The following POU2F1 variants were observed in gnomAD, a reference collection of about 807,000 sequenced individuals.
The protein encoded by POU2F1 is POU class 2 homeobox 1.
POU2F1 carries 16 observed loss-of-function variants against 84.9 expected under a neutral mutation model. The ratio of observed to expected loss-of-function variants is 0.19; its 90% CI spans 0.13 to 0.29. The LOEUF (loss-of-function observed/expected upper bound fraction) is 0.29, where lower values mean the gene tolerates loss of function less well. Ranked by LOEUF, POU2F1 falls within the 10% of genes least tolerant of loss-of-function variation. The pLI is 1.00. For synonymous variants in POU2F1, 368 were observed against 368.3 expected (o/e 1.00, Z 0.01); for missense variants, 738 against 942.6 (o/e 0.78, Z 2.84).
intron 3 of POU2F1, among the ~76,000 whole-genome samples, 178 bp downstream of exon 3, chr1:167,365,745 T>C (rs1271474989): frequency 2.6e-5 from 4 of 152,250 alleles, no homozygotes; most frequent in Non-Finnish European, 4.4e-5. Flanking sequence ...GTTGAGTGTA[T>C]AGTCATTGAC....
rs146915296 is a variant in POU2F1, at chr1:167,340,167, C to T, written c.127+7632C>T. Among the ~76,000 whole-genome samples, 479 of 152,080 alleles carry T rather than the reference C, an allele frequency of 3.1e-3. 3 individuals carry two copies. The highest frequency in any genetic ancestry group is 0.01 in the African/African-American group (435 of 41,468). On this transcript the variant is annotated intron_variant, in intron 2 of 15. Coordinates refer to ENST00000367866, the MANE Select transcript of POU2F1 (RefSeq NM_002697.4). ...CGATCCTGGCTCACTGCAACCTCCA[C>T]CTCCCGAGGTCAAGCAATTCTCCTG...
At position 167,399,306 on chromosome 1, in the gene POU2F1, A is replaced by G. The variant is rs558425633; in HGVS notation, c.1390A>G (p.Ser464Gly). The change falls in exon 12 of 16, where the codon AGC (serine) becomes GGC (glycine). Residue 464 changes from serine to glycine, a missense_variant. Ser to Gly is a moderately conservative substitution (Grantham distance 56). Coordinates refer to ENST00000367866, the MANE Select transcript of POU2F1 (RefSeq NM_002697.4). The part of the protein sequence containing the change: ...RQKEKRINPP[S>G]SGGTSSSPIK... ...GAAAGAAAAAAGAATCAACCCACCA[A>G]GCAGTGGTGGGACCAGCAGCTCACC... The G allele has an allele frequency of 1.7e-4, 281 of 1,614,116 alleles. 3 individuals carry two copies. In the South Asian group the frequency reaches 2.9e-3, roughly 17 times the overall value.
In POU2F1 at chr1:167,400,290, C is replaced by G. The variant is rs146940167; in HGVS notation, c.1449+925C>G. On this transcript the variant is annotated intron_variant, in intron 12 of 15. Coordinates refer to ENST00000367866, the MANE Select transcript of POU2F1 (RefSeq NM_002697.4). ...GGATTACAGGTGTGAGCCACTGCGC[C>G]CAGCCCACCTATCTTATTTTTTAAA... 6.9e-3 allele frequency among the ~76,000 whole-genome samples: 1,052 copies of G among 152,188 alleles called. 13 individuals carry two copies. The highest frequency in any genetic ancestry group is 0.024 in the African/African-American group (991 of 41,520).
At chr1:167,273,532 G>T in intron 1 of POU2F1, among the ~76,000 whole-genome samples, 1 of 152,218 alleles carries the variant, frequency 6.6e-6, no homozygotes, top group East Asian at 1.9e-4. Flanking sequence ...CTGTGCACCC[G>T]CAGGCTTACC....
intron 1 of POU2F1, among the ~76,000 whole-genome samples, chr1:167,299,831 G>A (rs1654552263): frequency 6.6e-6 from 1 of 151,940 alleles, no homozygotes; most frequent in Non-Finnish European, 1.5e-5. Flanking sequence ...GGTCTTCTAG[G>A]GGTTTGTTAA....
intron 11 of POU2F1, 67 bp downstream of exon 11, chr1:167,398,200 A>G (rs1648948163): frequency 1.3e-6 from 2 of 1,529,298 alleles, no homozygotes; most frequent in Non-Finnish European, 1.8e-6. Flanking sequence ...AGTACTTAGT[A>G]GAAACTGTAG....
At chr1:167,389,887 A>C in intron 9 of POU2F1, 126 bp downstream of exon 9, 1 of 1,053,724 alleles carries the variant, frequency 9.5e-7, no homozygotes, top group Non-Finnish European at 1.4e-6. Flanking sequence ...CGGGGGACGA[A>C]AAAGGATGGT....
Position 167,421,983 on chromosome 1 carries a change from T to A in POU2F1, c.*6173T>A, listed in dbSNP as rs1423690889. 1 of 152,214 alleles carries A rather than the reference T, an allele frequency of 6.6e-6. No homozygotes were observed. The highest frequency in any genetic ancestry group is 1.5e-5 in the Non-Finnish European group (1 of 68,056). 9.4% of individuals were successfully genotyped at this position (152,214 alleles called of 1,614,324 possible). On this transcript the variant is annotated 3_prime_UTR_variant, in exon 16 of 16. Transcript: ENST00000367866. ...TGCTCGTGTGTGTGTTTGTTTTTTC[T>A]TATATCTGTCTTGCCAAAGGAAACT... is the stretch of plus-strand genomic sequence containing the variant.
chr1:167,394,245 T>C (rs1326778561), intron 9 of POU2F1, among the ~76,000 whole-genome samples: 1 of 152,122 alleles, frequency 6.6e-6, no homozygotes, highest in Non-Finnish European at 1.5e-5. Context: ...GGTCTCGAAC[T>C]CCTGACCTCA....
chr1:167,383,972 G>T, intron 8 of POU2F1, 21 bp downstream of exon 8: 1 of 1,576,412 alleles, frequency 6.3e-7, no homozygotes, highest in Non-Finnish European at 8.7e-7. Context: ...TTCTATGGGG[G>T]CTGCTTTCTC....
chr1:167,358,585 A>C (rs904347936), intron 2 of POU2F1, among the ~76,000 whole-genome samples: 1 of 151,842 alleles, frequency 6.6e-6, no homozygotes, highest in African/African-American at 2.4e-5. Context: ...GTGGGACTCT[A>C]TGGATTTTCT....
At chr1:167,246,759 G>C (rs7418469) in intron 1 of POU2F1, among the ~76,000 whole-genome samples, 60,306 of 151,962 alleles carry the variant, frequency 0.4, 14,686 homozygotes, top group East Asian at 0.69. Flanking sequence ...TATGAACAAA[G>C]GTGCTTATCT....
chr1:167,259,182 AC>A (rs1651368290), intron 1 of POU2F1, among the ~76,000 whole-genome samples: 3 of 152,264 alleles, frequency 2.0e-5, no homozygotes, highest in Middle Eastern at 3.4e-3. Context: ...TATCTTGTTC[AC>A]CTGGCAGCTG....
At chr1:167,312,975 A>G (rs1405659675) in intron 1 of POU2F1, among the ~76,000 whole-genome samples, 2 of 152,354 alleles carry the variant, frequency 1.3e-5, no homozygotes, top group South Asian at 2.1e-4. Context: ...AGGCTATGCC[A>G]TATAGCCTAG....
intron 1 of POU2F1, among the ~76,000 whole-genome samples, chr1:167,255,839 G>C (rs545350102): frequency 6.6e-6 from 1 of 152,176 alleles, no homozygotes; most frequent in Admixed American, 6.6e-5. Context: ...TCAAGGTGAG[G>C]GTTTTAAGGG....
intron 13 of POU2F1, among the ~76,000 whole-genome samples, chr1:167,409,828 A>G (rs1448242015): frequency 6.6e-6 from 1 of 152,220 alleles, no homozygotes; most frequent in Non-Finnish European, 1.5e-5. Context: ...CAGAACTTTG[A>G]AAGGGAAGTA....
At position 167,426,777 on chromosome 1, in the gene POU2F1, C is replaced by T. The variant is rs949361741; in HGVS notation, c.*10967C>T. 1 of 152,166 alleles carries T rather than the reference C, an allele frequency of 6.6e-6. No homozygotes were observed. The highest frequency in any genetic ancestry group is 1.9e-4 in the East Asian group (1 of 5,198). The allele number at this position is 152,166 out of a possible 1,614,324, so 9.4% of individuals were successfully genotyped here. ...AACTTAAGATGTGGTGTAAATGATT[C>T]TTTCCAAAATTGTCCAGCAGCTTGA... On this transcript the variant is annotated 3_prime_UTR_variant, in exon 16 of 16. Coordinates refer to ENST00000367866, the MANE Select transcript of POU2F1 (RefSeq NM_002697.4).
Position 167,386,709 on chromosome 1 carries a change from T to C in POU2F1, c.813+2758T>C, listed in dbSNP as rs377038794. Among the ~76,000 whole-genome samples, 16 of 152,234 alleles carry C rather than the reference T, an allele frequency of 1.1e-4. No homozygotes were observed. In the East Asian group the frequency reaches 1.5e-3, roughly 15 times the overall value. The stretch of plus-strand genomic sequence containing the variant: ...TGCTACTTTGCAGTAAAAAGAAACG[T>C]GCTTCTGATACATGCATCTCCTGTG... On this transcript the variant is annotated intron_variant, in intron 8 of 15. Coordinates refer to ENST00000367866, the MANE Select transcript of POU2F1 (RefSeq NM_002697.4).
At chr1:167,240,166 T>C (rs1460254714) in intron 1 of POU2F1, among the ~76,000 whole-genome samples, 4 of 152,174 alleles carry the variant, frequency 2.6e-5, no homozygotes, top group Admixed American at 2.6e-4. Flanking sequence ...TTTCTTACTA[T>C]ATCAAGTTCT....
Sources: allele counts gnomAD v4.1 joint callset (sites outside exome capture counted in the v4.1 genomes callset), GRCh38; gene constraint gnomAD v4.1.1; transcripts MANE v1.5; gene names NCBI Gene and HGNC (gene_info 2026-07-23, HGNC 2026-07-21).